Variants in GALNT17 observed in about 807,000 individuals in gnomAD.
The protein encoded by GALNT17 is polypeptide N-acetylgalactosaminyltransferase 17, also known as UDP-GalNAc:polypeptide N-acetylgalactosaminyltransferase-like 3.
A neutral mutation model predicts 63.7 loss-of-function variants in GALNT17; 29 were observed. The observed-to-expected ratio is 0.46, with a 90% CI of 0.34 to 0.62. The LOEUF is 0.62. GALNT17 is among the 20% of genes least tolerant of loss of function. The pLI, the probability that GALNT17 is intolerant of heterozygous loss-of-function variation, is 0.01. For missense variants in GALNT17, 603 were observed against 799.6 expected (o/e 0.75, Z 2.97); for synonymous variants, 305 against 318.3 (o/e 0.96, Z 0.45).
intron 1 of GALNT17, among the ~76,000 whole-genome samples, chr7:71,162,032 T>TTCCCTCCC (rs1190994796): frequency 7.2e-6 from 1 of 138,462 alleles, no homozygotes; most frequent in Admixed American, 7.1e-5. Context: ...TTCTTTCTCT[T>TTCCCTCCC]TCCCTCCCTC....
intron 5 of GALNT17, among the ~76,000 whole-genome samples, chr7:71,526,832 T>A (rs1378398949): frequency 1.3e-5 from 2 of 152,200 alleles, no homozygotes; most frequent in East Asian, 3.9e-4. Flanking sequence ...GTGATTTAAA[T>A]CCCCTCCCTG....
intron 6 of GALNT17, among the ~76,000 whole-genome samples, chr7:71,580,977 G>A (rs574156098): frequency 1.3e-3 from 198 of 152,190 alleles, no homozygotes; most frequent in Non-Finnish European, 2.2e-3. Flanking sequence ...CTGCTATAAA[G>A]ACATACCTGA....
chr7:71,222,766 A>T (rs1001828728), intron 1 of GALNT17, among the ~76,000 whole-genome samples: 2 of 152,054 alleles, frequency 1.3e-5, no homozygotes, highest in Admixed American at 6.5e-5. Flanking sequence ...GTTGTTACTG[A>T]TTCTTAGCTT....
At chr7:71,191,616 C>T (rs751538334) in intron 1 of GALNT17, among the ~76,000 whole-genome samples, 1 of 152,130 alleles carries the variant, frequency 6.6e-6, no homozygotes. Flanking sequence ...AGTTTCGTTG[C>T]TTTTTATTGC....
Position 71,377,114 on chromosome 7 carries a change from A to AAAATATATATATATAT in GALNT17, c.423-11120_423-11119insAATATATATATATATA. 2.1e-4 allele frequency among the ~76,000 whole-genome samples: 12 copies of AAAATATATATATATAT among 57,458 alleles called. 1 individual carries two copies. The highest frequency in any genetic ancestry group is 1.4e-3 in the East Asian group (3 of 2,154). 37.7% of individuals were successfully genotyped at this position (57,458 alleles called of 152,430 possible). ...AAAAAAAAAAAATAAAAATAAAAAA[A>AAAATATATATATATAT]ATATATATATATATATATATATATA... On this transcript the variant is annotated intron_variant, in intron 2 of 10. Coordinates refer to ENST00000333538, the MANE Select transcript of GALNT17 (RefSeq NM_022479.3).
chr7:71,542,337 TA>T (rs763563724), intron 5 of GALNT17, among the ~76,000 whole-genome samples: 15 of 149,270 alleles, frequency 1.0e-4, no homozygotes, highest in South Asian at 2.1e-4. Context: ...TATTGGAATT[TA>T]AAAAAAAAAC....
intron 1 of GALNT17, among the ~76,000 whole-genome samples, chr7:71,133,714 C>T (rs1334998696): frequency 6.6e-6 from 1 of 152,106 alleles, no homozygotes; most frequent in Non-Finnish European, 1.5e-5. Flanking sequence ...TGACAGTTGT[C>T]TGAATCTGTC....
At chr7:71,510,570 C>A (rs1788340474) in intron 5 of GALNT17, among the ~76,000 whole-genome samples, 1 of 152,152 alleles carries the variant, frequency 6.6e-6, no homozygotes. Context: ...ACGGAATCCA[C>A]CCAGATCAAA....
At chr7:71,677,340 T>C (rs750948267) in intron 9 of GALNT17, 34 bp downstream of exon 9, 1 of 1,594,258 alleles carries the variant, frequency 6.3e-7, no homozygotes, top group East Asian at 2.2e-5. Flanking sequence ...AAGGAAGTAA[T>C]ATCACCATCT....
intron 1 of GALNT17, among the ~76,000 whole-genome samples, chr7:71,286,992 C>G (rs1208179759): frequency 6.6e-6 from 1 of 151,978 alleles, no homozygotes; most frequent in Non-Finnish European, 1.5e-5. Context: ...ACGGAACTCC[C>G]CATGTTGCCC....
intron 5 of GALNT17, among the ~76,000 whole-genome samples, chr7:71,512,014 CTT>C (rs11409175): frequency 1.1e-4 from 15 of 131,454 alleles, no homozygotes; most frequent in Non-Finnish European, 1.1e-4. Flanking sequence ...GGGTTCCAGC[CTT>C]TTTTTTTTTT....
At chr7:71,458,673 G>A (rs969641867) in intron 5 of GALNT17, among the ~76,000 whole-genome samples, 1 of 152,158 alleles carries the variant, frequency 6.6e-6, no homozygotes, top group Non-Finnish European at 1.5e-5. Flanking sequence ...TTCTCAGCAG[G>A]ATGGATGGGA....
intron 3 of GALNT17, among the ~76,000 whole-genome samples, chr7:71,414,521 A>G (rs1793489832): frequency 6.6e-6 from 1 of 152,080 alleles, no homozygotes; most frequent in Non-Finnish European, 1.5e-5. Context: ...GTAATGACCC[A>G]CACTTTCTTT....
intron 5 of GALNT17, among the ~76,000 whole-genome samples, chr7:71,443,877 AC>A (rs1343541523): frequency 6.6e-6 from 1 of 151,916 alleles, no homozygotes; most frequent in Non-Finnish European, 1.5e-5. Context: ...GGCGCCTGCC[AC>A]CACCCCTCGC....
intron 2 of GALNT17, among the ~76,000 whole-genome samples, chr7:71,345,760 G>C (rs767816719): frequency 6.6e-6 from 1 of 152,106 alleles, no homozygotes; most frequent in Non-Finnish European, 1.5e-5. Flanking sequence ...GTTTCCCTCC[G>C]CTGTGAAAAG....
intron 5 of GALNT17, among the ~76,000 whole-genome samples, chr7:71,449,108 CTT>C (rs59368494): frequency 8.2e-5 from 6 of 72,754 alleles, no homozygotes; most frequent in East Asian, 4.8e-4. Context: ...TGCCTATTTT[CTT>C]TTTTTTTTTT....
chr7:71,583,255 C>T (rs1032830154), intron 6 of GALNT17, among the ~76,000 whole-genome samples: 4 of 152,032 alleles, frequency 2.6e-5, no homozygotes, highest in African/African-American at 7.2e-5. Context: ...CCACCACGCC[C>T]GGCTAATTTT....
chr7:71,598,068 C>T (rs1789914228), intron 6 of GALNT17, among the ~76,000 whole-genome samples: 2 of 152,020 alleles, frequency 1.3e-5, no homozygotes, highest in African/African-American at 2.4e-5. Flanking sequence ...CTCAGCCTTC[C>T]GAGTAGCTGG....
chr7:71,542,261 T>C (rs1788904515), intron 5 of GALNT17, among the ~76,000 whole-genome samples: 1 of 152,062 alleles, frequency 6.6e-6, no homozygotes, highest in Admixed American at 6.6e-5. Context: ...AGAACACTTC[T>C]AGGAAGGTGG....
Sources: gnomAD v4.1 joint callset for allele counts (sites outside exome capture counted in the v4.1 genomes callset) on GRCh38, gnomAD v4.1.1 for gene constraint, MANE v1.5 for transcripts, NCBI Gene and HGNC (gene_info 2026-07-23, HGNC 2026-07-21) for gene names.